The following WWP1 variants were observed in gnomAD, a reference collection of about 807,000 sequenced individuals.
The protein encoded by WWP1 is WW domain containing E3 ubiquitin protein ligase 1, also known as NEDD4-like E3 ubiquitin-protein ligase WWP1.
Under a neutral mutation model 130.6 loss-of-function variants are expected in WWP1, and 49 were observed. The observed-to-expected ratio is 0.38, with a 90% CI of 0.30 to 0.48. The LOEUF (loss-of-function observed/expected upper bound fraction) is 0.48, where lower values mean the gene tolerates loss of function less well. WWP1 is among the 20% of genes least tolerant of loss of function. The probability of loss-of-function intolerance (pLI) is 0.99; values close to 1 mark genes in which losing one functional copy is unlikely to be tolerated. For synonymous variants in WWP1, 332 were observed against 367.8 expected, an observed-to-expected ratio of 0.90 and a Z score of 1.11; for missense variants, 809 against 1,100.6, an observed-to-expected ratio of 0.74 and a Z score of 3.75.
chr8:86,384,889 A>AGGCATGT (rs1236921444), intron 5 of WWP1, among the ~76,000 whole-genome samples: 1 of 151,910 alleles, frequency 6.6e-6, no homozygotes, highest in African/African-American at 2.4e-5. Flanking sequence ...AAAATTAGCC[A>AGGCATGT]GGCATGTGCC....
intron 18 of WWP1, among the ~76,000 whole-genome samples, chr8:86,443,918 G>T (rs932892959): frequency 2.6e-5 from 4 of 152,202 alleles, no homozygotes; most frequent in Non-Finnish European, 4.4e-5. Flanking sequence ...ATGAGATTGA[G>T]AGATGCTGTG....
chr8:86,417,157 G>A (rs943650099), intron 9 of WWP1: 1 of 152,226 alleles, frequency 6.6e-6, no homozygotes, highest in African/African-American at 2.4e-5. Flanking sequence ...CTCCCTTGTG[G>A]ACCAGGAACT....
rs112702507 is a variant in WWP1, at chr8:86,385,842, C to T, written c.334+4213C>T. On this transcript the variant is annotated intron_variant, in intron 5 of 24. Transcript: ENST00000517970. ...CTTGCTTATTCAAGTGAAATCTTACCATGGAATCTTATTCTATATAAAAAT... is the reference window on the plus strand; with the variant it reads ...CTTGCTTATTCAAGTGAAATCTTACTATGGAATCTTATTCTATATAAAAAT... Among the ~76,000 whole-genome samples, 375 of 152,100 alleles carry T rather than the reference C, an allele frequency of 2.5e-3. 1 individual carries two copies. Among genetic ancestry groups the T allele is most frequent in the African/African-American group, 8.6e-3 (356 of 41,470 alleles).
chr8:86,412,050 C>A (rs1808616252), intron 9 of WWP1, among the ~76,000 whole-genome samples, 176 bp downstream of exon 9: 1 of 152,142 alleles, frequency 6.6e-6, no homozygotes, highest in Non-Finnish European at 1.5e-5. Flanking sequence ...AAACTAAGAA[C>A]AATTGCTCAT....
intron 11 of WWP1, among the ~76,000 whole-genome samples, 167 bp from the exon 12 acceptor site, chr8:86,430,530 C>G (rs575294865): frequency 6.6e-6 from 1 of 152,006 alleles, no homozygotes; most frequent in East Asian, 1.9e-4. Context: ...TCCCACCTTG[C>G]CCTCCCAAGG....
Position 86,430,091 on chromosome 8 carries a change from C to T in WWP1, c.1333-606C>T, listed in dbSNP as rs529993011. Among the ~76,000 whole-genome samples, 23 of 151,898 alleles carry T rather than the reference C, an allele frequency of 1.5e-4. 1 individual carries two copies. In the South Asian group the frequency reaches 4.0e-3, roughly 26 times the overall value. On this transcript the variant is annotated intron_variant, in intron 11 of 24. Transcript: ENST00000517970. ...GCGCATATCTGTAGTCCTAGCTACT[C>T]GGTTGTTGCTGAGGTGGGAGGATTG... is the stretch of plus-strand genomic sequence containing the variant.
chr8:86,349,896 C>G (rs1055733383), intron 1 of WWP1, among the ~76,000 whole-genome samples: 1 of 151,910 alleles, frequency 6.6e-6, no homozygotes, highest in African/African-American at 2.4e-5. Flanking sequence ...GGGCAGAGAT[C>G]GATTCCCTCT....
chr8:86,379,538 A>T (rs1824863698), intron 3 of WWP1, among the ~76,000 whole-genome samples: 1 of 152,136 alleles, frequency 6.6e-6, no homozygotes, highest in Non-Finnish European at 1.5e-5. Context: ...GTAATTGATT[A>T]TAGAGGTGAT....
intron 1 of WWP1, among the ~76,000 whole-genome samples, chr8:86,355,449 A>C (rs751679155): frequency 6.6e-6 from 1 of 152,240 alleles, no homozygotes; most frequent in Non-Finnish European, 1.5e-5. Context: ...AATATTAAAA[A>C]TTTTTGAATT....
At chr8:86,451,583 T>C (rs1276146582) in intron 20 of WWP1, among the ~76,000 whole-genome samples, 1 of 151,848 alleles carries the variant, frequency 6.6e-6, no homozygotes, top group Admixed American at 6.6e-5. Context: ...AAAGTTGGAG[T>C]TGGAGTTGAG....
intron 5 of WWP1, among the ~76,000 whole-genome samples, chr8:86,396,872 TAGA>T (rs1185270502): frequency 6.6e-6 from 1 of 152,182 alleles, no homozygotes; most frequent in Non-Finnish European, 1.5e-5. Flanking sequence ...ATGCTGGGAT[TAGA>T]GGCGTGAGCC....
At position 86,411,318 on chromosome 8, in the gene WWP1, AT is replaced by A. The variant is rs1451360256; in HGVS notation, c.725-219del. ...TATTATTATACATACTTAAATTTTT[AT>A]CATTTACATATTCATCCCTGAAATT... On this transcript the variant is annotated intron_variant, in intron 8 of 24. Transcript: ENST00000517970. Among the ~76,000 whole-genome samples, 6 of 152,206 alleles carry A rather than the reference AT, an allele frequency of 3.9e-5. No individual in the cohort carries two copies. In the East Asian group the frequency reaches 7.7e-4, roughly 20 times the overall value.
At chr8:86,397,413 A>G (rs1487528204) in intron 5 of WWP1, among the ~76,000 whole-genome samples, 1 of 95,750 alleles carries the variant, frequency 1.0e-5, no homozygotes, top group African/African-American at 5.0e-5. Flanking sequence ...AATTAAACCA[A>G]ACTTATTAAC....
chr8:86,452,803 T>A lies in WWP1; in HGVS notation c.2394+124T>A, dbSNP rs1029601785. ...TAGCACAATCTTGAATCCTCTCATT[T>A]GTCCTGATGTCAAGGTGGTATTTAT... On this transcript the variant is annotated intron_variant, in intron 21 of 24. Coordinates refer to ENST00000517970, the MANE Select transcript of WWP1 (RefSeq NM_007013.4). 2.7e-5 allele frequency: 32 copies of A among 1,204,752 alleles called. No individual in the cohort carries two copies. In the African/African-American group the frequency reaches 4.5e-4, roughly 17 times the overall value. 74.6% of individuals were successfully genotyped at this position (1,204,752 alleles called of 1,614,324 possible). A position where few individuals can be genotyped will look rare whatever the true frequency, so the allele number is the denominator to read the frequency against.
chr8:86,461,026 A>G (rs566153532), intron 22 of WWP1, among the ~76,000 whole-genome samples, 198 bp from the exon 23 acceptor site: 2 of 151,454 alleles, frequency 1.3e-5, no homozygotes, highest in Non-Finnish European at 2.9e-5. Context: ...AGCCAGGATG[A>G]TCTCGATCTC....
intron 1 of WWP1, among the ~76,000 whole-genome samples, chr8:86,362,849 T>G (rs2130222273): frequency 6.6e-6 from 1 of 152,312 alleles, no homozygotes; most frequent in South Asian, 2.1e-4. Flanking sequence ...CAAAAGCACC[T>G]CAGTGTTTAG....
At chr8:86,354,487 G>A (rs1316556114) in intron 1 of WWP1, among the ~76,000 whole-genome samples, 1 of 152,026 alleles carries the variant, frequency 6.6e-6, no homozygotes, top group African/African-American at 2.4e-5. Context: ...AAAGGATTGT[G>A]TCCCTGTATT....
intron 1 of WWP1, among the ~76,000 whole-genome samples, chr8:86,347,785 G>A (rs936693520): frequency 8.5e-5 from 13 of 152,050 alleles, no homozygotes; most frequent in Non-Finnish European, 1.3e-4. Flanking sequence ...TTTTATAAAA[G>A]CTTAGTCTTC....
chr8:86,348,304 C>T (rs1361214380), intron 1 of WWP1, among the ~76,000 whole-genome samples: 2 of 152,006 alleles, frequency 1.3e-5, no homozygotes, highest in African/African-American at 4.8e-5. Flanking sequence ...CTGCAGCTTC[C>T]GCCTCCTGGG....
Sources: allele counts gnomAD v4.1 joint callset (sites outside exome capture counted in the v4.1 genomes callset), GRCh38; gene constraint gnomAD v4.1.1; transcripts MANE v1.5; gene names NCBI Gene and HGNC (gene_info 2026-07-23, HGNC 2026-07-21).